Variants in CSMD1 observed in about 807,000 individuals in gnomAD.
CSMD1 encodes CUB and Sushi multiple domains 1.
Under a neutral mutation model 417.5 loss-of-function variants are expected in CSMD1, and 213 were observed. That is an observed-to-expected ratio of 0.51 (90% confidence interval 0.46 to 0.57). CSMD1 has a LOEUF of 0.57. Among genes scored for constraint, CSMD1 ranks in the 20% least tolerant of loss-of-function variants. The pLI, the probability that CSMD1 is intolerant of heterozygous loss-of-function variation, is 0.00. For missense variants in CSMD1, 6,923 were observed against 4,529.7 expected (o/e 1.53, Z -15.17); for synonymous variants, 2,862 against 1,736.8 (o/e 1.65, Z -16.11).
At chr8:4,666,138 T>A (rs1255397190) in intron 1 of CSMD1, among the ~76,000 whole-genome samples, 1 of 152,170 alleles carries the variant, frequency 6.6e-6, no homozygotes, top group Non-Finnish European at 1.5e-5. Flanking sequence ...CTGATGTGCC[T>A]GTCATACAGC....
At chr8:4,167,023 T>C (rs1797495808) in intron 3 of CSMD1, among the ~76,000 whole-genome samples, 1 of 152,178 alleles carries the variant, frequency 6.6e-6, no homozygotes, top group African/African-American at 2.4e-5. Flanking sequence ...CTTTTTGTGT[T>C]TCCCAGGGGA....
intron 50 of CSMD1, among the ~76,000 whole-genome samples, chr8:3,045,977 T>C (rs369829450): frequency 1.3e-5 from 2 of 152,344 alleles, no homozygotes; most frequent in South Asian, 2.1e-4. Flanking sequence ...TGTGTAGCCC[T>C]ACTTATGCAC....
intron 23 of CSMD1, among the ~76,000 whole-genome samples, chr8:3,329,425 G>A (rs947265887): frequency 2.6e-5 from 4 of 152,044 alleles, no homozygotes; most frequent in African/African-American, 7.2e-5. Flanking sequence ...TGGAGAGTTC[G>A]AGATGTGTTC....
intron 3 of CSMD1, among the ~76,000 whole-genome samples, chr8:4,273,477 C>T (rs1804728355): frequency 6.6e-6 from 1 of 151,940 alleles, no homozygotes; most frequent in Admixed American, 6.6e-5. Context: ...TAATAAATGC[C>T]TAATAAACTT....
intron 7 of CSMD1, among the ~76,000 whole-genome samples, chr8:3,641,801 C>T (rs544910952): frequency 1.2e-4 from 19 of 152,244 alleles, no homozygotes; most frequent in Non-Finnish European, 2.6e-4. Flanking sequence ...AAAAAACCAT[C>T]TGTTGTGACC....
chr8:3,254,456 A>G (rs1800497205), intron 26 of CSMD1, among the ~76,000 whole-genome samples: 1 of 152,112 alleles, frequency 6.6e-6, no homozygotes, highest in Non-Finnish European at 1.5e-5. Context: ...CCTGGTTTAT[A>G]TCCTGCAGAG....
At chr8:3,269,677 C>G (rs900983360) in intron 26 of CSMD1, among the ~76,000 whole-genome samples, 1 of 152,082 alleles carries the variant, frequency 6.6e-6, no homozygotes, top group Admixed American at 6.6e-5. Context: ...TTTATTTAAC[C>G]CCCAGAGTAA....
chr8:4,341,177 T>A (rs746912484), intron 3 of CSMD1, among the ~76,000 whole-genome samples: 2 of 152,114 alleles, frequency 1.3e-5, no homozygotes, highest in Non-Finnish European at 2.9e-5. Context: ...TGATCATCTA[T>A]ATTTGGGGAT....
intron 3 of CSMD1, among the ~76,000 whole-genome samples, chr8:4,242,802 G>A (rs1802479497): frequency 6.6e-6 from 1 of 152,142 alleles, no homozygotes; most frequent in Non-Finnish European, 1.5e-5. Context: ...AAAGTTGGAG[G>A]AAACCTTCAT....
rs887860329 is a variant in CSMD1, at chr8:4,905,707, C to A, written c.85+88625G>T. Among the ~76,000 whole-genome samples the A allele has an allele frequency of 5.9e-5, 9 of 151,662 alleles. No homozygotes were observed. The South Asian group carries it at 8.3e-4, about 14-fold the overall frequency. Reference sequence around the variant, plus strand: ...TGGTGGCGGGCGCCTGTAGTCCCAGCTCCTCGGGAGGCTGAGGCAGGAGAA... The same window carrying A: ...TGGTGGCGGGCGCCTGTAGTCCCAGATCCTCGGGAGGCTGAGGCAGGAGAA... On this transcript the variant is annotated intron_variant, in intron 1 of 69. Transcript: ENST00000635120.
At chr8:4,656,521 AC>A (rs201325940) in intron 1 of CSMD1, among the ~76,000 whole-genome samples, 2,666 of 152,198 alleles carry the variant, frequency 0.018, 94 homozygotes, top group African/African-American at 0.062. Context: ...AGGGATTCTG[AC>A]AACTTTGGGT....
intron 2 of CSMD1, among the ~76,000 whole-genome samples, chr8:4,446,319 G>A (rs1280643547): frequency 6.6e-6 from 1 of 152,166 alleles, no homozygotes; most frequent in Non-Finnish European, 1.5e-5. Flanking sequence ...AGCCCAGCAT[G>A]GGTGGATCGC....
chr8:3,188,344 T>C (rs986079327), intron 35 of CSMD1, among the ~76,000 whole-genome samples: 8 of 142,594 alleles, frequency 5.6e-5, no homozygotes, highest in African/African-American at 2.1e-4. Context: ...TCTTCCTCTG[T>C]CACCCAGGCT....
At chr8:4,604,653 T>C (rs1800773983) in intron 2 of CSMD1, among the ~76,000 whole-genome samples, 1 of 152,150 alleles carries the variant, frequency 6.6e-6, no homozygotes, top group Non-Finnish European at 1.5e-5. Flanking sequence ...AATCAGAACA[T>C]CACCAATCTG....
chr8:4,082,878 C>G (rs548631129), intron 3 of CSMD1, among the ~76,000 whole-genome samples: 30 of 149,950 alleles, frequency 2.0e-4, no homozygotes, highest in African/African-American at 7.4e-4. Flanking sequence ...GGTTTTTTGT[C>G]CTTGTGATAC....
intron 2 of CSMD1, among the ~76,000 whole-genome samples, chr8:4,459,108 A>T (rs1799657512): frequency 6.6e-6 from 1 of 152,174 alleles, no homozygotes; most frequent in Non-Finnish European, 1.5e-5. Context: ...GTACGCTTCT[A>T]ACCAGGAGGG....
At chr8:3,182,236 C>T (rs1044708204) in intron 36 of CSMD1, among the ~76,000 whole-genome samples, 1 of 152,150 alleles carries the variant, frequency 6.6e-6, no homozygotes, top group Non-Finnish European at 1.5e-5. Context: ...CTTAAACTAT[C>T]CAATATCCCC....
intron 2 of CSMD1, among the ~76,000 whole-genome samples, chr8:4,425,100 G>C (rs535738199): frequency 1.3e-5 from 2 of 152,066 alleles, no homozygotes; most frequent in Non-Finnish European, 2.9e-5. Context: ...ATTCGCCTAA[G>C]TTAGGTACAA....
intron 1 of CSMD1, among the ~76,000 whole-genome samples, chr8:4,881,110 A>G (rs1262271359): frequency 6.6e-6 from 1 of 151,998 alleles, no homozygotes; most frequent in Non-Finnish European, 1.5e-5. Flanking sequence ...TTCCCCTATT[A>G]ATAGTATCAC....
Sources: allele counts gnomAD v4.1 joint callset (sites outside exome capture counted in the v4.1 genomes callset), GRCh38; gene constraint gnomAD v4.1.1; transcripts MANE v1.5; gene names NCBI Gene and HGNC (gene_info 2026-07-23, HGNC 2026-07-21).